The following REXO1 variants were observed in gnomAD, a reference collection of about 807,000 sequenced individuals.
REXO1 encodes RNA exonuclease 1 homolog.
REXO1 carries 42 observed loss-of-function variants against 102.6 expected under a neutral mutation model. The observed-to-expected ratio is 0.41, with a 90% CI of 0.32 to 0.53. REXO1 has a LOEUF of 0.53. Ranked by LOEUF, REXO1 falls within the 20% of genes least tolerant of loss-of-function variation. REXO1 has a pLI of 0.27. For missense variants in REXO1, 1,819 were observed against 1,732.5 expected, an observed-to-expected ratio of 1.05 and a Z score of -0.89; for synonymous variants, 908 against 779.1, an observed-to-expected ratio of 1.17 and a Z score of -2.76.
chr19:1,843,138 C>T (rs978739308), intron 1 of REXO1, among the ~76,000 whole-genome samples: 2 of 152,050 alleles, frequency 1.3e-5, no homozygotes, highest in African/African-American at 4.8e-5. Context: ...CTTCAACCCC[C>T]CGCCCGGAGG....
chr19:1,839,121 C>T (rs2011189832), intron 1 of REXO1, among the ~76,000 whole-genome samples: 1 of 151,642 alleles, frequency 6.6e-6, no homozygotes, highest in Non-Finnish European at 1.5e-5. Context: ...CTGGGCGTGG[C>T]GGCGTGCTCC....
chr19:1,834,375 A>G (rs990191929), intron 1 of REXO1, among the ~76,000 whole-genome samples: 4 of 152,132 alleles, frequency 2.6e-5, no homozygotes, highest in Admixed American at 6.6e-5. Context: ...TAAGGGTCCA[A>G]TCTGGGGGAC....
In REXO1 at chr19:1,816,024, C is replaced by A; in HGVS notation, c.*42G>T. 6.5e-7 allele frequency: 1 copy of A among 1,540,058 alleles called. No homozygotes were observed. On this transcript the variant is annotated 3_prime_UTR_variant, in exon 16 of 16. Coordinates refer to ENST00000170168, the MANE Select transcript of REXO1 (RefSeq NM_020695.4). The stretch of plus-strand genomic sequence containing the variant: ...TTTGGAAGAGGCATGGGGCTAAGGA[C>A]CAGCGGGACGGCAGGAGAGGCGGGT...
chr19:1,840,748 A>C (rs1599170129), intron 1 of REXO1, among the ~76,000 whole-genome samples: 1 of 141,174 alleles, frequency 7.1e-6, no homozygotes, highest in African/African-American at 2.7e-5. Context: ...ACCCCACATC[A>C]CCCCCTCCGC....
chr19:1,817,145 G>GCCAGATGGGA, intron 12 of REXO1, 74 bp downstream of exon 12: 1 of 1,575,920 alleles, frequency 6.3e-7, no homozygotes. Flanking sequence ...CCCAGATGGG[G>GCCAGATGGGA]CCAGATGGGG....
At chr19:1,829,596 G>T (rs375127855) in intron 1 of REXO1, among the ~76,000 whole-genome samples, 128 of 152,270 alleles carry the variant, frequency 8.4e-4, no homozygotes, top group African/African-American at 2.8e-3. Flanking sequence ...ATCACCTGAG[G>T]TCGGGAGTTC....
intron 3 of REXO1, chr19:1,824,058 G>A (rs540907022): frequency 2.4e-5 from 9 of 367,520 alleles, no homozygotes; most frequent in African/African-American, 1.0e-4. Flanking sequence ...GGACTACCCC[G>A]ATTACACTGG....
intron 1 of REXO1, among the ~76,000 whole-genome samples, chr19:1,833,960 C>A (rs2069972417): frequency 6.6e-6 from 1 of 152,182 alleles, no homozygotes; most frequent in Non-Finnish European, 1.5e-5. Flanking sequence ...GAGGAAGAGC[C>A]CGCCTAACGG....
chr19:1,848,177 A>T, intron 1 of REXO1, 25 bp downstream of exon 1: 1 of 1,161,952 alleles, frequency 8.6e-7, no homozygotes, highest in Non-Finnish European at 1.1e-6. Flanking sequence ...GCCGAGCCCA[A>T]GGCAAGCAGG....
intron 14 of REXO1, 23 bp downstream of exon 14, chr19:1,816,408 C>A (rs764428405): frequency 4.4e-6 from 7 of 1,606,128 alleles, no homozygotes; most frequent in Non-Finnish European, 5.9e-6. Context: ...GAGAACCGCG[C>A]GGGACCCGGG....
At chr19:1,829,911 G>A (rs1251922628) in intron 1 of REXO1, among the ~76,000 whole-genome samples, 1 of 152,220 alleles carries the variant, frequency 6.6e-6, no homozygotes, top group East Asian at 1.9e-4. Flanking sequence ...CAAGATAGCT[G>A]GGACTATAGC....
rs1568707403 is a variant in REXO1 at position 1,831,864 on chromosome 19, AAAAG to A, written c.158-3237_158-3234del. ...CCATCTCAAAAAAAAAAAAAAAAAAAAAAGAAAGAAAAAGAAAAAGAAAAAAAGA... is the reference window on the plus strand; with the variant it reads ...CCATCTCAAAAAAAAAAAAAAAAAAAAAAGAAAAAGAAAAAGAAAAAAAGA... On this transcript the variant is annotated intron_variant, in intron 1 of 15. Transcript: ENST00000170168. Among the ~76,000 whole-genome samples, 34 of 54,068 alleles carry A rather than the reference AAAAG, an allele frequency of 6.3e-4. 1 individual carries two copies. The highest frequency in any genetic ancestry group is 1.5e-3 in the Non-Finnish European group (22 of 14,542). 35.5% of individuals were successfully genotyped at this position (54,068 alleles called of 152,430 possible). A position where few individuals can be genotyped will look rare whatever the true frequency, so the allele number is the denominator to read the frequency against.
intron 1 of REXO1, among the ~76,000 whole-genome samples, chr19:1,839,116 C>T (rs1471801575): frequency 6.6e-6 from 1 of 152,038 alleles, no homozygotes; most frequent in Non-Finnish European, 1.5e-5. Context: ...ATTAGCTGGG[C>T]GTGGCGGCGT....
In REXO1 at chr19:1,816,170, G is replaced by A. The variant is rs537748308; in HGVS notation, c.3578-16C>T. On this transcript the variant is annotated splice_polypyrimidine_tract_variant and intron_variant, in intron 15 of 15. Coordinates refer to ENST00000170168, the MANE Select transcript of REXO1 (RefSeq NM_020695.4). Reference sequence around the variant, plus strand: ...TGCCCATCCACTGCGGGGCAGATGCGGTGAGCACCCGGCCCCTGCGCAGGG... The same window carrying A: ...TGCCCATCCACTGCGGGGCAGATGCAGTGAGCACCCGGCCCCTGCGCAGGG... 26 of 1,554,404 alleles carry A rather than the reference G, an allele frequency of 1.7e-5. 1 individual carries two copies. The highest frequency in any genetic ancestry group is 1.4e-4 in the African/African-American group (10 of 73,548).
rs371432687 is a variant in REXO1 at position 1,818,982 on chromosome 19, G to A, written c.2764+36C>T. 1.7e-5 allele frequency: 27 copies of A among 1,577,678 alleles called. 1 individual carries two copies. In the South Asian group the frequency reaches 1.8e-4, roughly 11 times the overall value. On this transcript the variant is annotated intron_variant, in intron 8 of 15. Transcript: ENST00000170168. The stretch of plus-strand genomic sequence containing the variant: ...AGGGGCTGGGCCGGCAGAGGCCCAC[G>A]AAGCACCGTGTGGCAGAGCAGGGGC...
At chr19:1,817,077 A>G in intron 12 of REXO1, 142 bp downstream of exon 12, 1 of 1,020,486 alleles carries the variant, frequency 9.8e-7, no homozygotes, top group African/African-American at 1.6e-5. Context: ...GGTCCAGGGC[A>G]GGAGCCACAG....
In REXO1 at chr19:1,820,355, T is replaced by C. The variant is rs1212359094; in HGVS notation, c.2435A>G (p.Lys812Arg). The change falls in exon 6 of 16, where the codon AAA becomes AGA. Residue 812 changes from lysine (K) to arginine (R), a missense_variant. Coordinates refer to ENST00000170168, the MANE Select transcript of REXO1 (RefSeq NM_020695.4). Reference protein sequence around the residue: ...KPIIPKEFGGKVPTVIRQRYL... With the variant: ...KPIIPKEFGGRVPTVIRQRYL... Reference sequence around the variant, plus strand: ...GCGCTGGCGGATGACGGTGGGGACTTTGCCCCCAAACTCTTTGGGGATAAT... The same window carrying C: ...GCGCTGGCGGATGACGGTGGGGACTCTGCCCCCAAACTCTTTGGGGATAAT... 1 of 1,613,806 alleles carries C rather than the reference T, an allele frequency of 6.2e-7. No homozygotes were observed. The highest frequency in any genetic ancestry group is 2.2e-5 in the East Asian group (1 of 44,854).
intron 11 of REXO1, 169 bp from the exon 12 acceptor site, chr19:1,817,498 C>CA: frequency 6.8e-7 from 1 of 1,468,528 alleles, no homozygotes; most frequent in South Asian, 1.4e-5. Context: ...CAAGAAGACA[C>CA]AGGGAGGACG....
chr19:1,836,342 C>T (rs1344753371), intron 1 of REXO1, among the ~76,000 whole-genome samples: 3 of 152,212 alleles, frequency 2.0e-5, no homozygotes, highest in Non-Finnish European at 2.9e-5. Flanking sequence ...CTCAGTCAGC[C>T]CATTTCAAAG....
Sources: allele counts gnomAD v4.1 joint callset (sites outside exome capture counted in the v4.1 genomes callset), GRCh38; gene constraint gnomAD v4.1.1; transcripts MANE v1.5; gene names NCBI Gene and HGNC (gene_info 2026-07-23, HGNC 2026-07-21).